Variants in ADRA1B observed in about 807,000 individuals in gnomAD.
The protein encoded by ADRA1B is alpha-1B adrenergic receptor.
ADRA1B carries 17 observed loss-of-function variants against 17.9 expected under a neutral mutation model. The ratio of observed to expected loss-of-function variants is 0.95; its 90% confidence interval spans 0.65 to 1.42. ADRA1B has a LOEUF of 1.42. ADRA1B is among the 40% of genes most tolerant of loss of function. ADRA1B has a pLI of 0.00. For synonymous variants in ADRA1B, 366 were observed against 327.6 expected, an observed-to-expected ratio of 1.12 and a Z score of -1.27; for missense variants, 681 against 722.1, an observed-to-expected ratio of 0.94 and a Z score of 0.65.
intron 1 of ADRA1B, among the ~76,000 whole-genome samples, chr5:159,875,867 T>G (rs1488588984): frequency 3.3e-5 from 5 of 151,412 alleles, no homozygotes; most frequent in Admixed American, 3.3e-4. Context: ...TTGGTATAGA[T>G]GGAACAGCAT....
intron 1 of ADRA1B, among the ~76,000 whole-genome samples, chr5:159,897,870 A>G (rs949606146): frequency 1.3e-5 from 2 of 152,218 alleles, no homozygotes; most frequent in African/African-American, 2.4e-5. Context: ...TTGTCCACTT[A>G]TAAAAGGCCC....
intron 1 of ADRA1B, among the ~76,000 whole-genome samples, chr5:159,963,440 C>T (rs1009565229): frequency 6.6e-6 from 1 of 152,094 alleles, no homozygotes; most frequent in African/African-American, 2.4e-5. Context: ...GGGCAACTTA[C>T]CTATATCAAA....
At chr5:159,986,020 G>A in the ADRA1B span, among the ~76,000 whole-genome samples, 3 of 152,236 alleles carry the variant, frequency 2.0e-5, no homozygotes, top group African/African-American at 7.2e-5. Context: ...TAAGAAGGTG[G>A]TGGGAAGAAA....
intron 1 of ADRA1B, among the ~76,000 whole-genome samples, chr5:159,938,877 G>A (rs1366611536): frequency 6.6e-6 from 1 of 152,180 alleles, no homozygotes; most frequent in Non-Finnish European, 1.5e-5. Context: ...GCCTTATGCA[G>A]GAAATGCTAA....
At chr5:159,874,757 G>A (rs567525209) in intron 1 of ADRA1B, among the ~76,000 whole-genome samples, 1 of 152,306 alleles carries the variant, frequency 6.6e-6, no homozygotes, top group African/African-American at 2.4e-5. Context: ...CCCCCTTGGG[G>A]GTCAGAGTCC....
chr5:159,947,810 C>A, intron 1 of ADRA1B: 3 of 985,374 alleles, frequency 3.0e-6, no homozygotes, highest in Non-Finnish European at 3.6e-6. Context: ...GACACGGGAG[C>A]TACATTGCAT....
chr5:159,898,636 T>G (rs1257390706), intron 1 of ADRA1B, among the ~76,000 whole-genome samples: 2 of 152,264 alleles, frequency 1.3e-5, no homozygotes, highest in African/African-American at 4.8e-5. Context: ...AGATTTTATC[T>G]GCATTTTTGC....
chr5:159,937,017 C>G (rs1051845388), intron 1 of ADRA1B, among the ~76,000 whole-genome samples: 5 of 152,164 alleles, frequency 3.3e-5, no homozygotes, highest in Non-Finnish European at 7.3e-5. Flanking sequence ...AATCCTAGAT[C>G]CCACCGCAGA....
At chr5:159,963,914 A>C (rs1755724880) in intron 1 of ADRA1B, among the ~76,000 whole-genome samples, 1 of 152,172 alleles carries the variant, frequency 6.6e-6, no homozygotes, top group Non-Finnish European at 1.5e-5. Flanking sequence ...GGGCACTCAA[A>C]GACTAAGTGA....
At chr5:159,948,745 A>G (rs1216747463) in intron 1 of ADRA1B, among the ~76,000 whole-genome samples, 1 of 152,208 alleles carries the variant, frequency 6.6e-6, no homozygotes, top group African/African-American at 2.4e-5. Context: ...TGTGTCATTA[A>G]GCCAGTCACT....
At chr5:159,984,033 T>G in the ADRA1B span, among the ~76,000 whole-genome samples, 1 of 152,106 alleles carries the variant, frequency 6.6e-6, no homozygotes, top group Non-Finnish European at 1.5e-5. Flanking sequence ...CAGCAACATT[T>G]GGTGTGACTG....
rs1189639741 is a variant in ADRA1B, at chr5:159,867,490, C to T, written c.-256+2284C>T. Among the ~76,000 whole-genome samples, 7 of 152,172 alleles carry T rather than the reference C, an allele frequency of 4.6e-5. No individual in the cohort carries two copies. The East Asian group carries it at 1.3e-3, about 29-fold the overall frequency. On this transcript the variant is annotated intron_variant, in intron 1 of 2. Transcript: ENST00000641205. Reference sequence around the variant, plus strand: ...TACCACCCTCTCCCTCGCCCTCTCTCATATTTTCCTCTCCCTTTCTTCCTC... The same window carrying T: ...TACCACCCTCTCCCTCGCCCTCTCTTATATTTTCCTCTCCCTTTCTTCCTC...
intron 1 of ADRA1B, among the ~76,000 whole-genome samples, chr5:159,927,378 C>CAT (rs1440967808): frequency 7.1e-6 from 1 of 140,056 alleles, no homozygotes; most frequent in Non-Finnish European, 1.6e-5. Flanking sequence ...TAAATTAAAA[C>CAT]ATGCACACAC....
intron 1 of ADRA1B, among the ~76,000 whole-genome samples, chr5:159,880,667 GT>G (rs1025444938): frequency 3.9e-5 from 6 of 152,210 alleles, no homozygotes; most frequent in African/African-American, 1.4e-4. Context: ...TCTCTTCTAT[GT>G]TGAGGCCAAA....
Position 159,939,324 on chromosome 5 carries a change from C to T in ADRA1B, c.949+21470C>T, listed in dbSNP as rs865902451. ...GTGTGTGTGTGTGTGTGTGTGTGTG[C>T]GCGCGCGCGCGCACACAATGCACTG... is the stretch of plus-strand genomic sequence containing the variant. On this transcript the variant is annotated intron_variant, in intron 1 of 1. Transcript: ENST00000306675. 8.9e-3 allele frequency among the ~76,000 whole-genome samples: 980 copies of T among 110,450 alleles called. 4 individuals carry two copies. The highest frequency in any genetic ancestry group is 0.018 in the Middle Eastern group (4 of 220). 72.5% of individuals were successfully genotyped at this position (110,450 alleles called of 152,430 possible).
At chr5:159,919,545 T>C (rs572628028) in intron 1 of ADRA1B, among the ~76,000 whole-genome samples, 5 of 152,352 alleles carry the variant, frequency 3.3e-5, no homozygotes, top group South Asian at 2.1e-4. Context: ...TAGCACAGTA[T>C]CTGGTGTATA....
At chr5:159,941,236 G>C (rs1462760289) in intron 1 of ADRA1B, among the ~76,000 whole-genome samples, 2 of 152,194 alleles carry the variant, frequency 1.3e-5, no homozygotes, top group Admixed American at 6.5e-5. Context: ...AAACAGCTAC[G>C]TGTGGCTAGT....
chr5:159,972,101 G>A lies in ADRA1B; in HGVS notation c.1172G>A (p.Trp391Ter). The A allele has an allele frequency of 1.5e-6, 2 of 1,294,724 alleles. No individual in the cohort carries two copies. The highest frequency in any genetic ancestry group is 4.9e-5 in the South Asian group (2 of 40,630). The allele number at this position is 1,294,724 out of a possible 1,614,324, so 80.2% of individuals were successfully genotyped here. The change falls in exon 2 of 2, where the codon TGG (tryptophan) becomes TAG (stop). Residue 391 changes from tryptophan to a stop codon, truncating the protein, a stop_gained. Transcript: ENST00000306675. LOFTEE classifies it low-confidence loss of function (END_TRUNC). ...GGCTGCGCCTACACCTACCGGCCGT[G>A]GACGCGCGGCGGCTCGCTGGAGCGC... ...LGGCAYTYRP[W>*]TRGGSLERSQ...
At chr5:159,902,562 C>T (rs1293648207) in intron 1 of ADRA1B, among the ~76,000 whole-genome samples, 2 of 152,194 alleles carry the variant, frequency 1.3e-5, no homozygotes, top group South Asian at 2.1e-4. Flanking sequence ...GACTGACATG[C>T]TAACTCCTGG....
Sources: gnomAD v4.1 joint callset for allele counts (sites outside exome capture counted in the v4.1 genomes callset) on GRCh38, gnomAD v4.1.1 for gene constraint, MANE v1.5 for transcripts, NCBI Gene and HGNC (gene_info 2026-07-23, HGNC 2026-07-21) for gene names.